The following GALNT13 variants were observed in gnomAD, a reference collection of about 807,000 sequenced individuals.
GALNT13 encodes polypeptide N-acetylgalactosaminyltransferase 13, also known as UDP-GalNAc:polypeptide N-acetylgalactosaminyltransferase 13.
GALNT13 carries 28 observed loss-of-function variants against 64.2 expected under a neutral mutation model. The observed-to-expected ratio is 0.44, with a 90% confidence interval of 0.32 to 0.60. GALNT13 has a LOEUF of 0.60. Ranked by LOEUF, GALNT13 falls within the 20% of genes least tolerant of loss-of-function variation. The pLI is 0.05. For synonymous variants in GALNT13, 214 were observed against 224.6 expected (o/e 0.95, Z 0.42); for missense variants, 577 against 669.8 (o/e 0.86, Z 1.53).
At chr2:153,528,131 T>C in the GALNT13 span, among the ~76,000 whole-genome samples, 66,245 of 151,424 alleles carry the variant, frequency 0.44, 15,189 homozygotes, top group East Asian at 0.77. Context: ...AGATATAGAA[T>C]GGTTGACTTC....
chr2:153,569,860 C>T, the GALNT13 span, among the ~76,000 whole-genome samples: 1 of 152,136 alleles, frequency 6.6e-6, no homozygotes, highest in African/African-American at 2.4e-5. Context: ...ACCCAGCCTG[C>T]ACTCTCTACG....
intron 10 of GALNT13, among the ~76,000 whole-genome samples, chr2:154,396,458 T>G (rs1392165816): frequency 3.3e-5 from 5 of 152,168 alleles, no homozygotes; most frequent in Admixed American, 3.3e-4. Context: ...TGTATTTAAA[T>G]TAAAACTGAG....
chr2:154,018,425 T>C (rs187771992), intron 3 of GALNT13, among the ~76,000 whole-genome samples: 330 of 152,306 alleles, frequency 2.2e-3, no homozygotes, highest in Admixed American at 2.4e-3. Flanking sequence ...TTGGGTCTCA[T>C]AGATATCAGT....
At chr2:153,594,085 T>C in the GALNT13 span, among the ~76,000 whole-genome samples, 6 of 152,162 alleles carry the variant, frequency 3.9e-5, no homozygotes, top group Non-Finnish European at 8.8e-5. Context: ...AAGTCAAACC[T>C]AACTTTTTGT....
chr2:153,443,252 C>T, the GALNT13 span, among the ~76,000 whole-genome samples: 2 of 152,178 alleles, frequency 1.3e-5, no homozygotes, highest in African/African-American at 4.8e-5. Flanking sequence ...GGCCGGATTA[C>T]ACAATTTCTC....
the GALNT13 span, among the ~76,000 whole-genome samples, chr2:153,736,943 G>A: frequency 3.3e-4 from 51 of 152,270 alleles, no homozygotes; most frequent in African/African-American, 1.2e-3. Flanking sequence ...GACATTCTAT[G>A]CAGAATTGCT....
chr2:154,347,541 A>G lies in GALNT13; in HGVS notation c.1156+45952A>G, dbSNP rs567451963. Among the ~76,000 whole-genome samples the G allele has an allele frequency of 1.2e-4, 18 of 152,272 alleles. No individual in the cohort carries two copies. In the South Asian group the frequency reaches 2.1e-3, roughly 18 times the overall value. ...CTCTCCATACCAATATGTCACCTAT[A>G]GATGTTGTTTTTTCTCAACTGTCTT... On this transcript the variant is annotated intron_variant, in intron 9 of 12. Coordinates refer to ENST00000392825, the MANE Select transcript of GALNT13 (RefSeq NM_052917.4).
At chr2:153,119,555 A>G in the GALNT13 span, among the ~76,000 whole-genome samples, 385 of 152,336 alleles carry the variant, frequency 2.5e-3, 2 homozygotes, top group African/African-American at 9.0e-3. Context: ...TGGCACTGTT[A>G]GTGCCCCAGA....
At chr2:153,701,835 T>A in the GALNT13 span, among the ~76,000 whole-genome samples, 1 of 152,108 alleles carries the variant, frequency 6.6e-6, no homozygotes, top group Non-Finnish European at 1.5e-5. Flanking sequence ...AAACAAAAGA[T>A]GCTGGTGAGG....
rs1698272292 is a variant in GALNT13, at chr2:154,381,565, G to A, written c.1157-14426G>A. ...GGAACATTGTATCCCCATCACCTAGGACAGTGTGTAACATAAGATGCACAA... is the reference window on the plus strand; with the variant it reads ...GGAACATTGTATCCCCATCACCTAGAACAGTGTGTAACATAAGATGCACAA... On this transcript the variant is annotated intron_variant, in intron 9 of 12. Transcript: ENST00000392825. Among the ~76,000 whole-genome samples the A allele has an allele frequency of 2.6e-5, 4 of 151,996 alleles. No homozygotes were observed. The South Asian group carries it at 8.3e-4, about 31-fold the overall frequency.
At chr2:153,093,980 G>A in the GALNT13 span, among the ~76,000 whole-genome samples, 1 of 151,932 alleles carries the variant, frequency 6.6e-6, no homozygotes. Context: ...GCTCACAGTG[G>A]CCACTAATGA....
At chr2:153,555,846 C>G in the GALNT13 span, among the ~76,000 whole-genome samples, 1 of 152,126 alleles carries the variant, frequency 6.6e-6, no homozygotes, top group Non-Finnish European at 1.5e-5. Context: ...AGAAAGATGA[C>G]ATTACAGAAG....
At chr2:153,800,029 T>C in the GALNT13 span, among the ~76,000 whole-genome samples, 1 of 150,506 alleles carries the variant, frequency 6.6e-6, no homozygotes, top group Non-Finnish European at 1.5e-5. Context: ...TCTCTTATGC[T>C]TATTCCATTT....
chr2:153,478,670 C>G, the GALNT13 span: 10 of 915,680 alleles, frequency 1.1e-5, no homozygotes, highest in Admixed American at 2.9e-4. Context: ...CAGACTAGCG[C>G]GTGCGAGGGC....
At chr2:153,270,838 GA>G in the GALNT13 span, among the ~76,000 whole-genome samples, 1 of 152,106 alleles carries the variant, frequency 6.6e-6, no homozygotes, top group Non-Finnish European at 1.5e-5. Flanking sequence ...GTGACAGGGT[GA>G]GACCCTGTCT....
At position 154,452,570 on chromosome 2, in the gene GALNT13, A is replaced by C. The variant is rs1378782787; in HGVS notation, c.*2019A>C. The stretch of plus-strand genomic sequence containing the variant: ...AGAAAATGGTCAATGGCAAATTTTT[A>C]TAAATACAGCTACCCCATCAAAGCT... On this transcript the variant is annotated 3_prime_UTR_variant, in exon 13 of 13. Coordinates refer to ENST00000392825, the MANE Select transcript of GALNT13 (RefSeq NM_052917.4). The C allele has an allele frequency of 6.6e-6, 1 of 152,174 alleles. No individual in the cohort carries two copies. Among genetic ancestry groups the C allele is most frequent in the Non-Finnish European group, 1.5e-5 (1 of 68,022 alleles). The allele number at this position is 152,174 out of a possible 1,614,324, so 9.4% of individuals were successfully genotyped here. A position where few individuals can be genotyped will look rare whatever the true frequency, so the allele number is the denominator to read the frequency against.
the GALNT13 span, among the ~76,000 whole-genome samples, chr2:153,235,786 AC>A: frequency 6.6e-6 from 1 of 152,074 alleles, no homozygotes; most frequent in Non-Finnish European, 1.5e-5. Context: ...GGCTATGACC[AC>A]CCTATCTAAC....
At chr2:154,113,713 G>A (rs1421700171) in intron 3 of GALNT13, among the ~76,000 whole-genome samples, 4 of 152,176 alleles carry the variant, frequency 2.6e-5, no homozygotes, top group Non-Finnish European at 5.9e-5. Context: ...CAATGTAATG[G>A]ACAAGTGTGA....
chr2:154,123,783 T>A (rs1205200844), intron 3 of GALNT13, among the ~76,000 whole-genome samples: 1 of 152,008 alleles, frequency 6.6e-6, no homozygotes, highest in African/African-American at 2.4e-5. Flanking sequence ...AAAGGCTGTA[T>A]AATTCTATGT....
Sources: allele counts gnomAD v4.1 joint callset (sites outside exome capture counted in the v4.1 genomes callset), GRCh38; gene constraint gnomAD v4.1.1; transcripts MANE v1.5; gene names NCBI Gene and HGNC (gene_info 2026-07-23, HGNC 2026-07-21).